Variants in LRRTM4 observed in about 807,000 individuals in gnomAD.
The protein encoded by LRRTM4 is leucine rich repeat transmembrane neuronal 4, also known as leucine-rich repeat transmembrane neuronal protein 4.
LRRTM4 carries 25 observed loss-of-function variants against 47.6 expected under a neutral mutation model. The observed-to-expected ratio is 0.53, with a 90% CI of 0.38 to 0.73. LRRTM4 has a LOEUF of 0.73. Among genes scored for constraint, LRRTM4 ranks in the 30% least tolerant of loss-of-function variants. LRRTM4 has a pLI of 0.00. For missense variants in LRRTM4, 638 were observed against 713.4 expected (o/e 0.89, Z 1.20); for synonymous variants, 311 against 269.5 (o/e 1.15, Z -1.51).
intron 3 of LRRTM4, among the ~76,000 whole-genome samples, chr2:76,905,014 C>T (rs750779060): frequency 7.9e-5 from 12 of 152,192 alleles, no homozygotes; most frequent in Non-Finnish European, 1.8e-4. Context: ...CAGAACGCAG[C>T]TGGAGATCTG....
At chr2:77,465,953 G>C (rs142837349) in intron 3 of LRRTM4, among the ~76,000 whole-genome samples, 71 of 149,802 alleles carry the variant, frequency 4.7e-4, no homozygotes, top group African/African-American at 1.6e-3. Context: ...AATGCAATAT[G>C]GACTGTTTTT....
intron 3 of LRRTM4, among the ~76,000 whole-genome samples, chr2:77,353,272 A>C (rs2104299980): frequency 6.6e-6 from 1 of 152,320 alleles, no homozygotes. Context: ...AAATAAAATA[A>C]AATTAAAAAG....
intron 3 of LRRTM4, among the ~76,000 whole-genome samples, chr2:77,343,118 G>A (rs1334397748): frequency 1.2e-4 from 18 of 151,882 alleles, no homozygotes; most frequent in Non-Finnish European, 2.4e-4. Flanking sequence ...GTCGTTTGAG[G>A]TAAGTAGAAA....
chr2:76,895,173 A>T (rs751404787), intron 3 of LRRTM4, among the ~76,000 whole-genome samples: 2 of 152,018 alleles, frequency 1.3e-5, no homozygotes, highest in Non-Finnish European at 2.9e-5. Context: ...AACTTATCTA[A>T]TATTTATAGC....
At chr2:77,075,199 C>A (rs1176071603) in intron 3 of LRRTM4, among the ~76,000 whole-genome samples, 4 of 152,182 alleles carry the variant, frequency 2.6e-5, no homozygotes, top group African/African-American at 2.4e-5. Flanking sequence ...AGATGTTACA[C>A]CCTTTCAAAA....
At chr2:76,816,849 T>G (rs11887631) in intron 3 of LRRTM4, among the ~76,000 whole-genome samples, 60,019 of 131,362 alleles carry the variant, frequency 0.46, 15,302 homozygotes, top group East Asian at 0.65. Context: ...TTTTTTTTTT[T>G]TTTTTTTTTT....
intron 3 of LRRTM4, among the ~76,000 whole-genome samples, chr2:77,513,358 CT>C (rs1679090787): frequency 6.6e-6 from 1 of 152,096 alleles, no homozygotes; most frequent in African/African-American, 2.4e-5. Context: ...ACTTTACAAA[CT>C]TTATACTAAT....
chr2:76,802,183 T>C (rs1675732203), intron 3 of LRRTM4, among the ~76,000 whole-genome samples: 1 of 150,904 alleles, frequency 6.6e-6, no homozygotes, highest in South Asian at 2.1e-4. Context: ...AATTGAATTG[T>C]CCCTATTGTC....
At chr2:76,945,131 A>G (rs575001356) in intron 3 of LRRTM4, among the ~76,000 whole-genome samples, 19 of 152,226 alleles carry the variant, frequency 1.2e-4, no homozygotes, top group Admixed American at 2.0e-4. Context: ...CACACAAAAT[A>G]TAAGTATGTA....
chr2:76,748,859 ACCCGAT>A lies in LRRTM4; in HGVS notation c.1603_1608del (p.Ile535_Gly536del). On this transcript the variant is annotated inframe_deletion, in exon 4 of 4. Coordinates refer to ENST00000409884, the MANE Select transcript of LRRTM4 (RefSeq NM_001134745.3). ...TGGAGTGGCTGGTGGGCCTGGCAGT[ACCCGAT>A]CACAGGCTGGTCATAGCTGTAATAT... 6.2e-7 allele frequency: 1 copy of A among 1,613,956 alleles called. No homozygotes were observed. Among genetic ancestry groups the A allele is most frequent in the African/African-American group, 1.3e-5 (1 of 75,028 alleles).
Position 77,351,466 on chromosome 2 carries a change from T to C in LRRTM4, c.1551+166852A>G, listed in dbSNP as rs116432023. On this transcript the variant is annotated intron_variant, in intron 3 of 3. Transcript: ENST00000409884. ...AATTGAATTCCCACCAGCAGTAGGA[T>C]AGTTGAAAACCTTATGATACATCTG... Among the ~76,000 whole-genome samples, 791 of 151,928 alleles carry C rather than the reference T, an allele frequency of 5.2e-3. 10 individuals carry two copies. The highest frequency in any genetic ancestry group is 0.018 in the African/African-American group (743 of 41,460).
intron 3 of LRRTM4, among the ~76,000 whole-genome samples, chr2:76,881,987 T>C (rs1029078777): frequency 6.6e-6 from 1 of 152,180 alleles, no homozygotes; most frequent in African/African-American, 2.4e-5. Flanking sequence ...AATCCATATA[T>C]ATCCATTGCA....
chr2:77,265,002 G>A (rs554377018), intron 3 of LRRTM4, among the ~76,000 whole-genome samples: 4 of 152,148 alleles, frequency 2.6e-5, no homozygotes, highest in South Asian at 2.1e-4. Context: ...ATTATAATGA[G>A]CCATTCACCA....
chr2:77,414,752 T>C (rs1674574500), intron 3 of LRRTM4, among the ~76,000 whole-genome samples: 1 of 152,206 alleles, frequency 6.6e-6, no homozygotes, highest in South Asian at 2.1e-4. Context: ...TGTTTTAGTT[T>C]ATGTGATCAA....
At chr2:77,090,617 C>G (rs1429540293) in intron 3 of LRRTM4, among the ~76,000 whole-genome samples, 9 of 152,142 alleles carry the variant, frequency 5.9e-5, no homozygotes, top group South Asian at 2.1e-4. Flanking sequence ...GTGGCCAGAC[C>G]TTCCTCCAGA....
At chr2:76,986,014 A>T (rs1175500814) in intron 3 of LRRTM4, 4 of 151,994 alleles carry the variant, frequency 2.6e-5, no homozygotes, top group Non-Finnish European at 4.4e-5. Flanking sequence ...AGAGTTCTCG[A>T]CCTTCCATTC....
chr2:77,260,867 G>A (rs190284253), intron 3 of LRRTM4, among the ~76,000 whole-genome samples: 127 of 152,200 alleles, frequency 8.3e-4, no homozygotes, highest in African/African-American at 2.6e-3. Context: ...TAGAATTGGC[G>A]ACAATTTTAG....
intron 3 of LRRTM4, among the ~76,000 whole-genome samples, chr2:77,344,422 C>T (rs896421808): frequency 1.3e-5 from 2 of 151,578 alleles, no homozygotes; most frequent in African/African-American, 4.8e-5. Flanking sequence ...ATAGTGTGAC[C>T]TTCATAGAAT....
intron 3 of LRRTM4, among the ~76,000 whole-genome samples, chr2:76,863,279 C>G (rs1206104403): frequency 1.3e-5 from 2 of 152,128 alleles, no homozygotes; most frequent in East Asian, 1.9e-4. Context: ...TGAAATTTGC[C>G]AGGCTGAAAG....
Sources: gnomAD v4.1 joint callset for allele counts (sites outside exome capture counted in the v4.1 genomes callset) on GRCh38, gnomAD v4.1.1 for gene constraint, MANE v1.5 for transcripts, NCBI Gene and HGNC (gene_info 2026-07-23, HGNC 2026-07-21) for gene names.